The following TMTC1 variants were observed in gnomAD, a reference collection of about 807,000 sequenced individuals.
The protein encoded by TMTC1 is transmembrane O-mannosyltransferase targeting cadherins 1.
TMTC1 carries 73 observed loss-of-function variants against 104.8 expected under a neutral mutation model. The ratio of observed to expected loss-of-function variants is 0.70; its 90% CI spans 0.58 to 0.85. The LOEUF (loss-of-function observed/expected upper bound fraction) is 0.85. Ranked by LOEUF, TMTC1 falls within the 40% of genes least tolerant of loss-of-function variation. The probability of loss-of-function intolerance (pLI) is 0.00; values close to 1 mark genes in which losing one functional copy is unlikely to be tolerated. For synonymous variants in TMTC1, 434 were observed against 428.7 expected (o/e 1.01, Z -0.15); for missense variants, 1,035 against 1,096.1 (o/e 0.94, Z 0.79).
rs1943700790 is a variant in TMTC1 at position 29,506,696 on chromosome 12, T to C, written c.*150A>G. On this transcript the variant is annotated 3_prime_UTR_variant, in exon 18 of 18. Coordinates refer to ENST00000539277, the MANE Select transcript of TMTC1 (RefSeq NM_001193451.2). The stretch of plus-strand genomic sequence containing the variant: ...AAAAGCAAGTCCTTCAGCACTGGGC[T>C]ACCAGCAGATGTCCCAAAATGTGTC... The C allele has an allele frequency of 2.1e-6, 2 of 951,926 alleles. No individual in the cohort carries two copies. Among genetic ancestry groups the C allele is most frequent in the Non-Finnish European group, 3.2e-6 (2 of 623,292 alleles). 59.0% of individuals were successfully genotyped at this position (951,926 alleles called of 1,614,324 possible). A position where few individuals can be genotyped will look rare whatever the true frequency, so the allele number is the denominator to read the frequency against.
At chr12:29,562,877 T>G (rs1358918444) in intron 9 of TMTC1, among the ~76,000 whole-genome samples, 2 of 152,188 alleles carry the variant, frequency 1.3e-5, no homozygotes, top group African/African-American at 4.8e-5. Context: ...CCTCTAGCCC[T>G]GATGAACCCA....
chr12:29,572,925 C>A (rs1169511283), intron 8 of TMTC1, among the ~76,000 whole-genome samples: 1 of 152,226 alleles, frequency 6.6e-6, no homozygotes, highest in African/African-American at 2.4e-5. Flanking sequence ...CTCATAACCA[C>A]AACCTGCTCT....
chr12:29,720,818 C>T (rs993385776), intron 5 of TMTC1, among the ~76,000 whole-genome samples: 1 of 151,912 alleles, frequency 6.6e-6, no homozygotes, highest in African/African-American at 2.4e-5. Context: ...CTAACATATC[C>T]CAAGCAGGAT....
At chr12:29,584,257 T>C (rs1946064711) in intron 7 of TMTC1, among the ~76,000 whole-genome samples, 2 of 152,156 alleles carry the variant, frequency 1.3e-5, no homozygotes, top group African/African-American at 2.4e-5. Flanking sequence ...TCTAAAAGCC[T>C]TTGGCTTGGT....
At chr12:29,576,068 C>T (rs1320724466) in intron 8 of TMTC1, among the ~76,000 whole-genome samples, 1 of 152,134 alleles carries the variant, frequency 6.6e-6, no homozygotes, top group Non-Finnish European at 1.5e-5. Flanking sequence ...CATTCAGGTC[C>T]TTTGCTCATT....
At chr12:29,736,669 C>T (rs988025908) in intron 5 of TMTC1, among the ~76,000 whole-genome samples, 1 of 152,168 alleles carries the variant, frequency 6.6e-6, no homozygotes, top group South Asian at 2.1e-4. Context: ...CCGCCCACCT[C>T]GGCCTCCCAA....
chr12:29,644,409 A>C (rs1329207900), intron 5 of TMTC1, among the ~76,000 whole-genome samples: 1 of 151,876 alleles, frequency 6.6e-6, no homozygotes, highest in East Asian at 1.9e-4. Context: ...AATATGGTGC[A>C]GTGTATACTG....
chr12:29,699,568 C>A (rs1250070817), intron 5 of TMTC1, among the ~76,000 whole-genome samples: 1 of 151,158 alleles, frequency 6.6e-6, no homozygotes, highest in Non-Finnish European at 1.5e-5. Context: ...TAGCAGAAAA[C>A]TTCCAGAATT....
At chr12:29,782,507 A>C (rs1040294277) in intron 1 of TMTC1, among the ~76,000 whole-genome samples, 9 of 152,200 alleles carry the variant, frequency 5.9e-5, no homozygotes, top group Non-Finnish European at 1.3e-4. Context: ...ATATTATTTC[A>C]ACAGTTTTGA....
intron 5 of TMTC1, among the ~76,000 whole-genome samples, chr12:29,674,703 C>G (rs963424489): frequency 1.3e-5 from 2 of 152,136 alleles, no homozygotes; most frequent in Non-Finnish European, 2.9e-5. Flanking sequence ...CTCTGTTCAA[C>G]GACCTGTGGT....
intron 6 of TMTC1, among the ~76,000 whole-genome samples, chr12:29,626,177 A>G (rs1937980263): frequency 6.6e-6 from 1 of 152,250 alleles, no homozygotes; most frequent in Non-Finnish European, 1.5e-5. Context: ...TCTTAGTGAT[A>G]GAAGTATGGC....
intron 7 of TMTC1, among the ~76,000 whole-genome samples, chr12:29,597,628 A>G (rs1288655786): frequency 3.4e-5 from 2 of 59,434 alleles, no homozygotes; most frequent in African/African-American, 1.1e-4. Flanking sequence ...ATAAAATGTG[A>G]AAAAAAAAAA....
intron 2 of TMTC1, among the ~76,000 whole-genome samples, chr12:29,762,715 T>C (rs901643931): frequency 1.3e-5 from 2 of 152,250 alleles, no homozygotes; most frequent in African/African-American, 4.8e-5. Context: ...ATGCTGTTCA[T>C]TGATTCATTA....
chr12:29,638,595 G>C (rs1393080084), intron 5 of TMTC1, among the ~76,000 whole-genome samples: 3 of 152,174 alleles, frequency 2.0e-5, no homozygotes, highest in Non-Finnish European at 4.4e-5. Flanking sequence ...CAAGCCGCCT[G>C]CAGACGGCAA....
At chr12:29,590,224 C>A (rs1423487305) in intron 7 of TMTC1, among the ~76,000 whole-genome samples, 1 of 151,706 alleles carries the variant, frequency 6.6e-6, no homozygotes, top group Non-Finnish European at 1.5e-5. Context: ...AAGCCCTTTT[C>A]ATTATCAGGC....
intron 5 of TMTC1, among the ~76,000 whole-genome samples, chr12:29,666,943 A>G (rs1940311322): frequency 6.6e-6 from 1 of 152,244 alleles, no homozygotes; most frequent in Non-Finnish European, 1.5e-5. Flanking sequence ...TCACATATTC[A>G]GATCAAAAAA....
intron 5 of TMTC1, among the ~76,000 whole-genome samples, chr12:29,691,392 C>T (rs1941262406): frequency 1.3e-5 from 2 of 152,290 alleles, no homozygotes; most frequent in East Asian, 3.9e-4. Context: ...CCCTACCCGC[C>T]AGATTATCCT....
chr12:29,627,799 A>G (rs1938082206), intron 6 of TMTC1, among the ~76,000 whole-genome samples: 1 of 152,150 alleles, frequency 6.6e-6, no homozygotes, highest in South Asian at 2.1e-4. Flanking sequence ...ATTCTGGCAT[A>G]TTTACTTAAA....
At chr12:29,766,329 C>A (rs907548654) in intron 2 of TMTC1, among the ~76,000 whole-genome samples, 2 of 152,208 alleles carry the variant, frequency 1.3e-5, no homozygotes, top group African/African-American at 4.8e-5. Flanking sequence ...ACCAACTGGT[C>A]AGATCAGACT....
Sources: allele counts gnomAD v4.1 joint callset (sites outside exome capture counted in the v4.1 genomes callset), GRCh38; gene constraint gnomAD v4.1.1; transcripts MANE v1.5; gene names NCBI Gene and HGNC (gene_info 2026-07-23, HGNC 2026-07-21).